The following DDHD1 variants were observed in gnomAD, a reference collection of about 807,000 sequenced individuals.
DDHD1 encodes DDHD domain containing 1.
DDHD1 carries 49 observed loss-of-function variants against 96.4 expected under a neutral mutation model. The observed-to-expected ratio is 0.51, with a 90% CI of 0.40 to 0.64. DDHD1 has a LOEUF of 0.64. DDHD1 is among the 30% of genes least tolerant of loss of function. The pLI is 0.00. For missense variants in DDHD1, 1,106 were observed against 1,161.2 expected (o/e 0.95, Z 0.69); for synonymous variants, 442 against 446.5 (o/e 0.99, Z 0.13).
Position 53,100,235 on chromosome 14 carries a change from G to T in DDHD1, c.1012+3448C>A, listed in dbSNP as rs140971048. On this transcript the variant is annotated intron_variant, in intron 2 of 12. Transcript: ENST00000673822. ...CACACCTGTAATCCTGGCACTTTGT[G>T]GGGGCTGAAGCAGGAGGAACACTTG... 5.7e-3 allele frequency among the ~76,000 whole-genome samples: 870 copies of T among 152,170 alleles called. 7 individuals carry two copies. Among genetic ancestry groups the T allele is most frequent in the African/African-American group, 0.02 (839 of 41,524 alleles).
intron 1 of DDHD1, among the ~76,000 whole-genome samples, chr14:53,132,028 T>A (rs558552538): frequency 6.6e-6 from 1 of 152,224 alleles, no homozygotes; most frequent in East Asian, 1.9e-4. Flanking sequence ...AGATACCTAG[T>A]TTTGCCATCC....
chr14:53,058,566 G>A lies in DDHD1; in HGVS notation c.1903C>T (p.Arg635Cys), dbSNP rs1258669542. The change falls in exon 9 of 13, where the codon CGC becomes TGC. Residue 635 changes from arginine (R) to cysteine (C), a missense_variant. Arg to Cys is a radical substitution (Grantham distance 180). Around this residue, in one of 2 missense-constraint regions of DDHD1, gnomAD observed 650 missense variants for 758.8 expected, o/e 0.86. Coordinates refer to ENST00000673822, the MANE Select transcript of DDHD1 (RefSeq NM_001160148.2). ...TCTTGACTTCCAGTATTTCCTGGGC[G>A]GATGCCACGCAACGCCAAGAAAACT... ...LAVFLALRGI[R>C]PGNTGSQDHI... 12 of 1,613,446 alleles carry A rather than the reference G, an allele frequency of 7.4e-6. No homozygotes were observed. The highest frequency in any genetic ancestry group is 1.3e-5 in the African/African-American group (1 of 74,892).
intron 1 of DDHD1, among the ~76,000 whole-genome samples, chr14:53,149,150 C>T (rs930518879): frequency 1.3e-5 from 2 of 152,108 alleles, no homozygotes; most frequent in Non-Finnish European, 2.9e-5. Context: ...GATTCATGTA[C>T]CCCAAATTAG....
intron 1 of DDHD1, among the ~76,000 whole-genome samples, chr14:53,133,794 A>G (rs1890044134): frequency 6.6e-6 from 1 of 151,932 alleles, no homozygotes; most frequent in Non-Finnish European, 1.5e-5. Flanking sequence ...TCTCTTGCCT[A>G]CTCCAGATTC....
intron 5 of DDHD1, among the ~76,000 whole-genome samples, chr14:53,073,392 A>C (rs922945364): frequency 1.3e-5 from 2 of 151,916 alleles, no homozygotes; most frequent in African/African-American, 4.8e-5. Flanking sequence ...GGAATTATGG[A>C]AAACAAATAT....
At position 53,046,741 on chromosome 14, in the gene DDHD1, T is replaced by TGAA. The variant is rs775727639; in HGVS notation, c.*26_*27insTTC. ...TAACGGAAAAAAAAAAAATCAGTTT[T>TGAA]AGGCCATTCATGTCCTTCAAGAGAG... On this transcript the variant is annotated 3_prime_UTR_variant, in exon 13 of 13. Coordinates refer to ENST00000673822, the MANE Select transcript of DDHD1 (RefSeq NM_001160148.2). 1 of 1,474,004 alleles carries TGAA rather than the reference T, an allele frequency of 6.8e-7. No homozygotes were observed. Among genetic ancestry groups the TGAA allele is most frequent in the Non-Finnish European group, 9.0e-7 (1 of 1,110,286 alleles). 91.3% of individuals were successfully genotyped at this position (1,474,004 alleles called of 1,614,324 possible). A position where few individuals can be genotyped will look rare whatever the true frequency, so the allele number is the denominator to read the frequency against.
At chr14:53,054,353 T>A in intron 11 of DDHD1, 85 bp downstream of exon 11, 2 of 1,194,278 alleles carry the variant, frequency 1.7e-6, no homozygotes, top group Non-Finnish European at 2.3e-6. Flanking sequence ...GTTGACTAGC[T>A]AGTATTAATA....
At chr14:53,145,565 T>C (rs941229316) in intron 1 of DDHD1, among the ~76,000 whole-genome samples, 7 of 148,548 alleles carry the variant, frequency 4.7e-5, no homozygotes, top group Non-Finnish European at 1.0e-4. Flanking sequence ...TCCCATATCA[T>C]GTTTCTCAAA....
In DDHD1 at chr14:53,058,600, G is replaced by C. The variant is rs1445205789; in HGVS notation, c.1869C>G (p.Ser623=). The stretch of plus-strand genomic sequence containing the variant: ...GCAACGCCAAGAAAACTGCTAATGG[G>C]GATCCCATACAGAAGAAATTCTCAA... ...FKVENFFCMG[S]PLAVFLALRG... The change falls in exon 9 of 13, where the codon TCC becomes TCG. Residue 623 remains serine (S), a synonymous_variant. Transcript: ENST00000673822. 2 of 1,612,054 alleles carry C rather than the reference G, an allele frequency of 1.2e-6. No homozygotes were observed. The highest frequency in any genetic ancestry group is 1.7e-6 in the Non-Finnish European group (2 of 1,179,316).
At chr14:53,130,254 CAAA>C (rs1388404006) in intron 1 of DDHD1, among the ~76,000 whole-genome samples, 1 of 152,176 alleles carries the variant, frequency 6.6e-6, no homozygotes, top group African/African-American at 2.4e-5. Context: ...AATTTCCTCT[CAAA>C]GAAGTGGCTG....
At chr14:53,085,544 G>A (rs534331963) in intron 4 of DDHD1, among the ~76,000 whole-genome samples, 14 of 152,306 alleles carry the variant, frequency 9.2e-5, no homozygotes, top group Non-Finnish European at 1.8e-4. Flanking sequence ...CAACAGACCT[G>A]CAGCTGAGGG....
intron 1 of DDHD1, among the ~76,000 whole-genome samples, chr14:53,147,629 T>G (rs1355607819): frequency 5.9e-5 from 9 of 152,094 alleles, no homozygotes; most frequent in Admixed American, 5.9e-4. Flanking sequence ...CATTCTAAAA[T>G]GCACTCTAAA....
intron 9 of DDHD1, among the ~76,000 whole-genome samples, chr14:53,057,692 T>C (rs1436530069): frequency 6.6e-6 from 1 of 152,234 alleles, no homozygotes; most frequent in Non-Finnish European, 1.5e-5. Flanking sequence ...CTGGGAATAA[T>C]ATTTTTACAT....
chr14:53,129,384 TC>T (rs1889695195), intron 1 of DDHD1, among the ~76,000 whole-genome samples: 1 of 152,168 alleles, frequency 6.6e-6, no homozygotes, highest in African/African-American at 2.4e-5. Flanking sequence ...ATCTCTCCCT[TC>T]CTTAATTTTG....
At chr14:53,082,598 A>G (rs1885583464) in intron 4 of DDHD1, among the ~76,000 whole-genome samples, 2 of 151,872 alleles carry the variant, frequency 1.3e-5, no homozygotes, top group Non-Finnish European at 2.9e-5. Context: ...GTCTCTACTA[A>G]AAATACAAAA....
At chr14:53,091,680 T>C in intron 4 of DDHD1, 105 bp downstream of exon 4, 1 of 1,250,586 alleles carries the variant, frequency 8.0e-7, no homozygotes, top group Non-Finnish European at 1.1e-6. Flanking sequence ...TAGTTGGCAC[T>C]GGAGGAACAT....
At chr14:53,087,634 C>T (rs1185892705) in intron 4 of DDHD1, among the ~76,000 whole-genome samples, 1 of 152,120 alleles carries the variant, frequency 6.6e-6, no homozygotes, top group Non-Finnish European at 1.5e-5. Context: ...ACACAATGTA[C>T]CAGAATCTCT....
At chr14:53,072,771 A>G in intron 5 of DDHD1, 68 bp from the exon 6 acceptor site, 2 of 1,012,082 alleles carry the variant, frequency 2.0e-6, no homozygotes, top group Non-Finnish European at 1.5e-6. Flanking sequence ...GTAATAGTGA[A>G]GAAAATTACG....
At chr14:53,059,709 CA>C (rs544496412) in intron 8 of DDHD1, among the ~76,000 whole-genome samples, 25 of 148,738 alleles carry the variant, frequency 1.7e-4, no homozygotes, top group Admixed American at 1.3e-4. Flanking sequence ...ACTAAAAATA[CA>C]AAAATTAGCT....
Sources: gnomAD v4.1 joint callset for allele counts (sites outside exome capture counted in the v4.1 genomes callset) on GRCh38, gnomAD v4.1.1 for gene constraint, gnomAD v4.1.1 regional missense constraint, MANE v1.5 for transcripts, NCBI Gene and HGNC (gene_info 2026-07-23, HGNC 2026-07-21) for gene names.